CAPN7: variants seen among roughly 807,000 people sequenced by gnomAD.
CAPN7 encodes calpain-7.
A neutral mutation model predicts 115.2 loss-of-function variants in CAPN7; 72 were observed. That is an observed-to-expected ratio of 0.63 (90% CI 0.52 to 0.76). The LOEUF (loss-of-function observed/expected upper bound fraction) is 0.76, where lower values mean the gene tolerates loss of function less well. CAPN7 is among the 30% of genes least tolerant of loss of function. CAPN7 has a pLI of 0.00. For synonymous variants in CAPN7, 344 were observed against 322.3 expected (o/e 1.07, Z -0.72); for missense variants, 905 against 971.5 (o/e 0.93, Z 0.91).
Position 15,212,136 on chromosome 3 carries a change from G to A in CAPN7, c.135G>A (p.Met45Ile). 1 of 1,610,544 alleles carries A rather than the reference G, an allele frequency of 6.2e-7. No homozygotes were observed. Among genetic ancestry groups the A allele is most frequent in the South Asian group, 1.1e-5 (1 of 90,534 alleles). Residue 45 changes from methionine to isoleucine, a missense_variant, in exon 2 of 21, where the codon ATG becomes ATA. Met to Ile is a conservative substitution (Grantham distance 10). Around this residue, in one of 3 missense-constraint regions of CAPN7, gnomAD observed 271 missense variants for 239.6 expected, o/e 1.13. Transcript: ENST00000253693. ...CACAAGCCTTAATTTATGCTGAGAT[G>A]GCAGGATCAAGCCTAGAAAATATTC... ...EAAQALIYAEMAGSSLENIQE... is the reference protein window; with the variant it reads ...EAAQALIYAEIAGSSLENIQE...
chr3:15,236,497 G>A (rs1695000902), intron 12 of CAPN7, among the ~76,000 whole-genome samples: 1 of 152,252 alleles, frequency 6.6e-6, no homozygotes, highest in Admixed American at 6.5e-5. Context: ...GAGCACTACT[G>A]TGTGTTAATT....
Position 15,243,011 on chromosome 3 carries a change from T to TA in CAPN7, c.1864+766dup, listed in dbSNP as rs753471456. ...AAAATATCAAGTACTGATACACGTGTAAAAAAAAGGGTTATGTGTGAGTGA... is the reference window on the plus strand; with the variant it reads ...AAAATATCAAGTACTGATACACGTGTAAAAAAAAAGGGTTATGTGTGAGTGA... On this transcript the variant is annotated intron_variant, in intron 16 of 20. Transcript: ENST00000253693. Among the ~76,000 whole-genome samples, 60 of 151,866 alleles carry TA rather than the reference T, an allele frequency of 4.0e-4. 1 individual carries two copies. The highest frequency in any genetic ancestry group is 1.9e-3 in the East Asian group (10 of 5,178).
Position 15,224,043 on chromosome 3 carries a change from T to C in CAPN7, c.725+482T>C, listed in dbSNP as rs372183562. 1.7e-4 allele frequency among the ~76,000 whole-genome samples: 26 copies of C among 152,298 alleles called. No homozygotes were observed. In the South Asian group the frequency reaches 5.4e-3, roughly 32 times the overall value. On this transcript the variant is annotated intron_variant, in intron 6 of 20. Coordinates refer to ENST00000253693, the MANE Select transcript of CAPN7 (RefSeq NM_014296.3). ...TTGGTTCAGGAGTCCGAGCTTGTAGTCATCGTAAGGAAATCAACAGTCAAA... is the reference window on the plus strand; with the variant it reads ...TTGGTTCAGGAGTCCGAGCTTGTAGCCATCGTAAGGAAATCAACAGTCAAA...
intron 2 of CAPN7, among the ~76,000 whole-genome samples, chr3:15,213,132 T>C (rs2124876429): frequency 6.6e-6 from 1 of 152,358 alleles, no homozygotes; most frequent in East Asian, 1.9e-4. Context: ...CAAAATATCA[T>C]ATAAAATTCA....
At chr3:15,220,643 T>C (rs1287436016) in intron 4 of CAPN7, 138 bp from the exon 5 acceptor site, 6 of 662,684 alleles carry the variant, frequency 9.1e-6, no homozygotes, top group Non-Finnish European at 1.6e-5. Context: ...TAGTGAAATG[T>C]TGATTAGTAT....
At chr3:15,248,257 T>C (rs2125015638) in intron 19 of CAPN7, among the ~76,000 whole-genome samples, 2 of 152,254 alleles carry the variant, frequency 1.3e-5, no homozygotes, top group Middle Eastern at 6.8e-3. Context: ...TAAACCATTG[T>C]AATAGCCAGA....
Position 15,251,448 on chromosome 3 carries a change from C to T in CAPN7, c.*188C>T, listed in dbSNP as rs1696001091. 2 of 480,760 alleles carry T rather than the reference C, an allele frequency of 4.2e-6. No individual in the cohort carries two copies. The highest frequency in any genetic ancestry group is 8.1e-5 in the South Asian group (2 of 24,760). The allele number at this position is 480,760 out of a possible 1,614,324, so 29.8% of individuals were successfully genotyped here. On this transcript the variant is annotated 3_prime_UTR_variant, in exon 21 of 21. Coordinates refer to ENST00000253693, the MANE Select transcript of CAPN7 (RefSeq NM_014296.3). The stretch of plus-strand genomic sequence containing the variant: ...TGTATATAGTCAGAATTACCTAAAT[C>T]ACCTAGAGGTACCGTTTACATGGTT...
At chr3:15,227,667 T>TGG (rs1196069644) in intron 6 of CAPN7, among the ~76,000 whole-genome samples, 172 bp from the exon 7 acceptor site, 1 of 152,070 alleles carries the variant, frequency 6.6e-6, no homozygotes, top group Non-Finnish European at 1.5e-5. Context: ...GAGGGGATGA[T>TGG]CAGGTTGACT....
At chr3:15,225,894 C>T (rs942274619) in intron 6 of CAPN7, among the ~76,000 whole-genome samples, 4 of 151,952 alleles carry the variant, frequency 2.6e-5, no homozygotes, top group African/African-American at 7.3e-5. Flanking sequence ...TAGGAACAAT[C>T]AGAAGAAAAA....
Position 15,251,991 on chromosome 3 carries a change from C to T in CAPN7, c.*731C>T, listed in dbSNP as rs529853015. On this transcript the variant is annotated 3_prime_UTR_variant, in exon 21 of 21. Transcript: ENST00000253693. The stretch of plus-strand genomic sequence containing the variant: ...AGTAATTGAGATATTGAAGACATTA[C>T]AATTTAGTTTGTGTGGTCTTTTTTT... 2 of 152,512 alleles carry T rather than the reference C, an allele frequency of 1.3e-5. No individual in the cohort carries two copies. Among genetic ancestry groups the T allele is most frequent in the Non-Finnish European group, 2.9e-5 (2 of 68,012 alleles). 9.4% of individuals were successfully genotyped at this position (152,512 alleles called of 1,614,324 possible). A position where few individuals can be genotyped will look rare whatever the true frequency, so the allele number is the denominator to read the frequency against.
chr3:15,241,491 A>G lies in CAPN7; in HGVS notation c.1691A>G (p.Tyr564Cys), dbSNP rs770996702. The change falls in exon 15 of 21, where the codon TAT (tyrosine) becomes TGT (cysteine). Residue 564 changes from tyrosine to cysteine, a missense_variant. Transcript: ENST00000253693. ...DAKQGPVKDA[Y>C]SLANNPQYKL... ...AAGCAAGGACCTGTGAAAGATGCCT[A>G]TAGCCTGGCCAACAACCCCCAGTAC... 5.0e-6 allele frequency: 8 copies of G among 1,614,018 alleles called. No individual in the cohort carries two copies. The Admixed American group carries it at 5.0e-5, about 10-fold the overall frequency.
chr3:15,230,680 T>C (rs1036960843), intron 9 of CAPN7, 145 bp downstream of exon 9: 1 of 515,090 alleles, frequency 1.9e-6, no homozygotes, highest in South Asian at 3.9e-5. Flanking sequence ...ACCAGTAGCA[T>C]CATGTGTTAA....
chr3:15,232,770 GCAGATTATCAACCCCTGAAA>G (rs1694769474), intron 10 of CAPN7, 105 bp downstream of exon 10: 4 of 951,972 alleles, frequency 4.2e-6, no homozygotes, highest in Non-Finnish European at 6.0e-6. Context: ...GGGAAAGAGA[GCAGATTATCAACCCCTGAAA>G]CAGGATGACC....
intron 12 of CAPN7, among the ~76,000 whole-genome samples, chr3:15,238,088 T>A (rs568581257): frequency 6.6e-6 from 1 of 150,864 alleles, no homozygotes; most frequent in African/African-American, 2.4e-5. Context: ...TATTTTGAAG[T>A]GTTTATTTAA....
In CAPN7 at chr3:15,252,309, C is replaced by T. The variant is rs1696037752; in HGVS notation, c.*1049C>T. The T allele has an allele frequency of 6.6e-6, 1 of 152,542 alleles. No individual in the cohort carries two copies. The highest frequency in any genetic ancestry group is 2.4e-5 in the African/African-American group (1 of 41,422). 9.4% of individuals were successfully genotyped at this position (152,542 alleles called of 1,614,324 possible). The stretch of plus-strand genomic sequence containing the variant: ...AAAATGTTTATACTTACGGATATTG[C>T]ATAGTTTAAGTTAGATTTATTGAAA... On this transcript the variant is annotated 3_prime_UTR_variant, in exon 21 of 21. Coordinates refer to ENST00000253693, the MANE Select transcript of CAPN7 (RefSeq NM_014296.3).
At chr3:15,230,248 ATTAC>A (rs980149979) in intron 8 of CAPN7, among the ~76,000 whole-genome samples, 190 bp from the exon 9 acceptor site, 1 of 152,164 alleles carries the variant, frequency 6.6e-6, no homozygotes, top group Non-Finnish European at 1.5e-5. Flanking sequence ...ATCTCAGAAA[ATTAC>A]TTACTAATAG....
At chr3:15,222,082 AAAAG>A (rs1205716432) in intron 5 of CAPN7, among the ~76,000 whole-genome samples, 2 of 152,196 alleles carry the variant, frequency 1.3e-5, no homozygotes, top group Non-Finnish European at 2.9e-5. Context: ...AAAAAAAAAA[AAAAG>A]AATATATGAC....
intron 9 of CAPN7, among the ~76,000 whole-genome samples, chr3:15,231,025 C>G (rs1694654528): frequency 6.6e-6 from 1 of 152,136 alleles, no homozygotes; most frequent in Non-Finnish European, 1.5e-5. Context: ...TGTTAAGGTT[C>G]TCCACCACCT....
chr3:15,225,454 T>A (rs1246618151), intron 6 of CAPN7, among the ~76,000 whole-genome samples: 1 of 152,220 alleles, frequency 6.6e-6, no homozygotes, highest in Non-Finnish European at 1.5e-5. Flanking sequence ...GTAAATCATA[T>A]TTGTTATGCT....
Sources: gnomAD v4.1 joint callset for allele counts (sites outside exome capture counted in the v4.1 genomes callset) on GRCh38, gnomAD v4.1.1 for gene constraint, gnomAD v4.1.1 regional missense constraint, MANE v1.5 for transcripts, NCBI Gene and HGNC (gene_info 2026-07-23, HGNC 2026-07-21) for gene names.